TTC23L: variants seen among roughly 807,000 people sequenced by gnomAD.
The protein encoded by TTC23L is tetratricopeptide repeat domain 23 like.
A neutral mutation model predicts 48.1 loss-of-function variants in TTC23L; 42 were observed. The ratio of observed to expected loss-of-function variants is 0.87; its 90% CI spans 0.68 to 1.13. The LOEUF is 1.13. Ranked by LOEUF, TTC23L falls within the 50% of genes most tolerant of loss-of-function variation. The pLI, the probability that TTC23L is intolerant of heterozygous loss-of-function variation, is 0.00. For missense variants in TTC23L, 391 were observed against 421.0 expected, an observed-to-expected ratio of 0.93 and a Z score of 0.62; for synonymous variants, 159 against 157.2, an observed-to-expected ratio of 1.01 and a Z score of -0.09.
chr5:34,841,731 G>T, intron 2 of TTC23L, among the ~76,000 whole-genome samples: 1 of 152,106 alleles, frequency 6.6e-6, no homozygotes, highest in African/African-American at 2.4e-5. Flanking sequence ...TACCTAGGCT[G>T]GTCTGGAACT....
chr5:34,847,909 G>A (rs1259699786), intron 3 of TTC23L, among the ~76,000 whole-genome samples: 1 of 152,196 alleles, frequency 6.6e-6, no homozygotes, highest in Non-Finnish European at 1.5e-5. Flanking sequence ...CTATGGTACT[G>A]CTGTATCTTA....
chr5:34,889,377 G>A (rs186330400), intron 9 of TTC23L, among the ~76,000 whole-genome samples: 9 of 152,302 alleles, frequency 5.9e-5, no homozygotes, highest in Admixed American at 5.2e-4. Flanking sequence ...TCTAACAGAG[G>A]TGCATTGCTG....
intron 1 of TTC23L, among the ~76,000 whole-genome samples, chr5:34,840,181 T>A (rs1561113369): frequency 7.3e-6 from 1 of 137,444 alleles, no homozygotes; most frequent in Admixed American, 8.2e-5. Flanking sequence ...CGTGAGCCTC[T>A]GTACCCGCCT....
At chr5:34,886,363 T>TAAA (rs3032938) in intron 9 of TTC23L, among the ~76,000 whole-genome samples, 27,443 of 122,818 alleles carry the variant, frequency 0.22, 3,039 homozygotes, top group East Asian at 0.33. Context: ...CAGGCTGATT[T>TAAA]AAAAAAAAAA....
At chr5:34,841,466 G>A (rs1758667499) in intron 2 of TTC23L, among the ~76,000 whole-genome samples, 1 of 152,182 alleles carries the variant, frequency 6.6e-6, no homozygotes, top group Non-Finnish European at 1.5e-5. Flanking sequence ...AAGTTGCAAA[G>A]CTAGTAAATG....
Position 34,879,244 on chromosome 5 carries a change from G to T in TTC23L, c.950-937G>T, listed in dbSNP as rs187657616. ...AATGAGTACAATGTATGTTATTTGG[G>T]TTATGGATACTCTAAAAGCTGTGAC... On this transcript the variant is annotated intron_variant, in intron 8 of 10. Transcript: ENST00000505624. Among the ~76,000 whole-genome samples, 15 of 152,220 alleles carry T rather than the reference G, an allele frequency of 9.9e-5. 1 individual carries two copies. The highest frequency in any genetic ancestry group is 8.5e-4 in the Admixed American group (13 of 15,292).
the TTC23L span, among the ~76,000 whole-genome samples, chr5:34,912,843 T>G: frequency 6.6e-6 from 1 of 151,896 alleles, no homozygotes; most frequent in East Asian, 1.9e-4. Flanking sequence ...CTACTAAAAA[T>G]ACAAAAAATT....
intron 9 of TTC23L, among the ~76,000 whole-genome samples, chr5:34,892,997 A>G (rs1192934548): frequency 6.6e-6 from 1 of 152,204 alleles, no homozygotes; most frequent in African/African-American, 2.4e-5. Context: ...TAACTCTGAC[A>G]GCAATGAGAA....
At position 34,872,696 on chromosome 5, in the gene TTC23L, C is replaced by T. The variant is rs1761549221; in HGVS notation, c.949+3683C>T. On this transcript the variant is annotated intron_variant, in intron 8 of 10. Coordinates refer to ENST00000505624, the Ensembl canonical transcript of TTC23L. ...CACTGATTATAATTGTAAAAAATAACCCAAATATATATATCAATAAGTAAA... is the reference window on the plus strand; with the variant it reads ...CACTGATTATAATTGTAAAAAATAATCCAAATATATATATCAATAAGTAAA... Among the ~76,000 whole-genome samples the T allele has an allele frequency of 2.0e-5, 3 of 151,878 alleles. No homozygotes were observed. The South Asian group carries it at 6.2e-4, about 32-fold the overall frequency.
rs570057104 is a variant in TTC23L, at chr5:34,854,419, T to C, written c.379+4111T>C. ...CCAGTGCCTCTTTGCTTTCTTCACT[T>C]AAGCTTTTATTTCAGTTTCTTCACT... is the stretch of plus-strand genomic sequence containing the variant. On this transcript the variant is annotated intron_variant, in intron 4 of 10. Transcript: ENST00000505624. 3.4e-4 allele frequency among the ~76,000 whole-genome samples: 52 copies of C among 152,342 alleles called. No homozygotes were observed. The South Asian group carries it at 0.011, about 31-fold the overall frequency.
chr5:34,855,869 A>C (rs1760089649), intron 4 of TTC23L, among the ~76,000 whole-genome samples: 1 of 152,240 alleles, frequency 6.6e-6, no homozygotes, highest in Non-Finnish European at 1.5e-5. Context: ...TGAAACAAAA[A>C]AAGTTACTTA....
In TTC23L at chr5:34,846,561, C is replaced by CAAAAAAAAAAAAAA. The variant is rs1156709677; in HGVS notation, c.255+891_255+904dup. 1.4e-3 allele frequency among the ~76,000 whole-genome samples: 45 copies of CAAAAAAAAAAAAAA among 31,568 alleles called. 6 individuals carry two copies. Among genetic ancestry groups the CAAAAAAAAAAAAAA allele is most frequent in the African/African-American group, 5.3e-3 (44 of 8,240 alleles). 20.7% of individuals were successfully genotyped at this position (31,568 alleles called of 152,430 possible). A position where few individuals can be genotyped will look rare whatever the true frequency, so the allele number is the denominator to read the frequency against. ...GGCCGACAACAGCTAGACTCTGTCT[C>CAAAAAAAAAAAAAA]AAAAAAAAAAAAAAAATATATATAT... On this transcript the variant is annotated intron_variant, in intron 3 of 10. Coordinates refer to ENST00000505624, the Ensembl canonical transcript of TTC23L.
At chr5:34,909,807 T>C in the TTC23L span, among the ~76,000 whole-genome samples, 3 of 152,338 alleles carry the variant, frequency 2.0e-5, no homozygotes, top group East Asian at 5.8e-4. Flanking sequence ...CACTTGGTAA[T>C]ACCAGAAGTT....
Position 34,872,146 on chromosome 5 carries a change from G to C in TTC23L, c.949+3133G>C, listed in dbSNP as rs74664766. 3.3e-5 allele frequency among the ~76,000 whole-genome samples: 5 copies of C among 152,030 alleles called. No homozygotes were observed. The East Asian group carries it at 9.7e-4, about 29-fold the overall frequency. ...AAAAAAAAAAAAGAAGAAGAAGCTG[G>C]GTGTGGTAGCATGTGCCTATAGTCC... On this transcript the variant is annotated intron_variant, in intron 8 of 10. Transcript: ENST00000505624.
chr5:34,892,836 C>A (rs1298900153), intron 9 of TTC23L, among the ~76,000 whole-genome samples: 1 of 152,144 alleles, frequency 6.6e-6, no homozygotes, highest in African/African-American at 2.4e-5. Context: ...GAGGGACGTG[C>A]TGGACATGAG....
chr5:34,853,983 C>T (rs964822126), intron 4 of TTC23L, among the ~76,000 whole-genome samples: 1 of 152,196 alleles, frequency 6.6e-6, no homozygotes, highest in African/African-American at 2.4e-5. Flanking sequence ...TTGAAGATGA[C>T]TAGGGTAGGT....
At chr5:34,860,001 G>A (rs951390138) in intron 4 of TTC23L, among the ~76,000 whole-genome samples, 3 of 151,394 alleles carry the variant, frequency 2.0e-5, no homozygotes, top group East Asian at 1.9e-4. Context: ...CCGCCACCAC[G>A]CCTGGCTAAT....
intron 9 of TTC23L, chr5:34,883,625 TAA>T (rs556899512): frequency 1.2e-3 from 180 of 152,268 alleles, no homozygotes; most frequent in African/African-American, 4.2e-3. Context: ...AAAAGGAATA[TAA>T]GAGACTACTA....
chr5:34,914,007 T>C, the TTC23L span: 1 of 456,748 alleles, frequency 2.2e-6, no homozygotes, highest in Non-Finnish European at 4.4e-6. Context: ...AATACAGGTG[T>C]GAGCCACCAT....
Sources: allele counts gnomAD v4.1 joint callset (sites outside exome capture counted in the v4.1 genomes callset), GRCh38; gene constraint gnomAD v4.1.1; transcripts MANE v1.5; gene names NCBI Gene and HGNC (gene_info 2026-07-23, HGNC 2026-07-21).